Variants in TSNARE1 observed in about 807,000 individuals in gnomAD.
The protein encoded by TSNARE1 is t-SNARE domain-containing protein 1.
Under a neutral mutation model 62.0 loss-of-function variants are expected in TSNARE1, and 49 were observed. The observed-to-expected ratio is 0.79, with a 90% CI of 0.63 to 1.00. The LOEUF is 1.00. Ranked by LOEUF, TSNARE1 falls within the 50% of genes least tolerant of loss-of-function variation. TSNARE1 has a pLI of 0.00. For synonymous variants in TSNARE1, 328 were observed against 294.4 expected (o/e 1.11, Z -1.17); for missense variants, 755 against 700.1 (o/e 1.08, Z -0.88).
At chr8:142,227,339 C>A (rs563959860) in intron 13 of TSNARE1, among the ~76,000 whole-genome samples, 3 of 110,956 alleles carry the variant, frequency 2.7e-5, no homozygotes, top group African/African-American at 2.2e-4. Flanking sequence ...ATAGCCAGGA[C>A]CCCCATCCTG....
intron 6 of TSNARE1, among the ~76,000 whole-genome samples, chr8:142,330,593 C>T (rs1830869041): frequency 6.6e-6 from 1 of 152,242 alleles, no homozygotes; most frequent in African/African-American, 2.4e-5. Context: ...CAGGGAAAAG[C>T]GTGTGCCAGC....
intron 6 of TSNARE1, among the ~76,000 whole-genome samples, chr8:142,325,599 C>A (rs543156230): frequency 6.6e-6 from 1 of 152,104 alleles, no homozygotes; most frequent in Admixed American, 6.5e-5. Flanking sequence ...GAGGTCCCTT[C>A]CTTGGCCTGG....
chr8:142,329,336 C>T (rs904992856), intron 6 of TSNARE1, among the ~76,000 whole-genome samples: 3 of 152,220 alleles, frequency 2.0e-5, no homozygotes, highest in East Asian at 1.9e-4. Context: ...TCCTACTCCA[C>T]GCTGGGGTCC....
chr8:142,253,076 C>G (rs937530647), intron 12 of TSNARE1, among the ~76,000 whole-genome samples: 6 of 152,246 alleles, frequency 3.9e-5, no homozygotes, highest in African/African-American at 1.4e-4. Flanking sequence ...GATGTGCCCA[C>G]TCCCGGGTGC....
At chr8:142,392,127 G>A (rs1837574179) in intron 1 of TSNARE1, among the ~76,000 whole-genome samples, 2 of 152,146 alleles carry the variant, frequency 1.3e-5, no homozygotes, top group African/African-American at 4.8e-5. Flanking sequence ...AGGTTCAAGT[G>A]ATTATCCTGC....
chr8:142,306,502 C>A (rs572332234), intron 9 of TSNARE1, among the ~76,000 whole-genome samples: 6 of 152,310 alleles, frequency 3.9e-5, no homozygotes, highest in East Asian at 3.9e-4. Flanking sequence ...GACTGACCCT[C>A]GACCCAGCTG....
At chr8:142,405,725 G>C (rs568816045), upstream of TSNARE1, 36 of 126,308 alleles carry the variant, frequency 2.9e-4, no homozygotes, top group African/African-American at 1.1e-3. Flanking sequence ...CTGCTGCCTG[G>C]CTTCAATGTC....
intron 1 of TSNARE1, among the ~76,000 whole-genome samples, chr8:142,361,898 A>G (rs1835192625): frequency 2.6e-5 from 4 of 152,206 alleles, no homozygotes. Context: ...GCCCCACCAC[A>G]GGGAGAAACC....
chr8:142,298,686 TAATC>T (rs1264816713), intron 10 of TSNARE1, among the ~76,000 whole-genome samples: 2 of 152,170 alleles, frequency 1.3e-5, no homozygotes, highest in Non-Finnish European at 2.9e-5. Context: ...TCCTTGGACT[TAATC>T]AATAAGCAGC....
chr8:142,298,368 C>G (rs1825116806), intron 10 of TSNARE1, among the ~76,000 whole-genome samples: 1 of 152,210 alleles, frequency 6.6e-6, no homozygotes, highest in Non-Finnish European at 1.5e-5. Context: ...GACGGGGCAG[C>G]CAGCCCCAGC....
intron 10 of TSNARE1, among the ~76,000 whole-genome samples, chr8:142,296,621 G>A (rs1425857934): frequency 6.6e-6 from 1 of 152,028 alleles, no homozygotes. Context: ...CTTCTGTCAG[G>A]GCAGGGACCA....
At chr8:142,305,413 G>T (rs951296030) in intron 9 of TSNARE1, among the ~76,000 whole-genome samples, 8 of 152,270 alleles carry the variant, frequency 5.3e-5, no homozygotes, top group Admixed American at 5.2e-4. Flanking sequence ...GCTGGGGTGC[G>T]GGCTGTGTGG....
intron 12 of TSNARE1, among the ~76,000 whole-genome samples, chr8:142,258,477 CTTTTTTTTTTTTTT>C (rs56675860): frequency 1.9e-5 from 2 of 107,264 alleles, no homozygotes; most frequent in African/African-American, 7.9e-5. Flanking sequence ...AGAACTTGTG[CTTTTTTTTTTTTTT>C]TTTTTTTTGA....
At chr8:142,300,187 C>T (rs1254204749) in intron 10 of TSNARE1, 3 of 286,588 alleles carry the variant, frequency 1.0e-5, no homozygotes, top group Non-Finnish European at 1.9e-5. Flanking sequence ...AATGAAATGG[C>T]CATGGTGACT....
At chr8:142,400,308 T>A (rs1187745219) in intron 1 of TSNARE1, among the ~76,000 whole-genome samples, 1 of 151,904 alleles carries the variant, frequency 6.6e-6, no homozygotes, top group Non-Finnish European at 1.5e-5. Context: ...TAGCCAGGCG[T>A]GGTGGCAGGC....
intron 1 of TSNARE1, among the ~76,000 whole-genome samples, chr8:142,383,035 T>C (rs1309289210): frequency 6.6e-6 from 1 of 151,928 alleles, no homozygotes; most frequent in Non-Finnish European, 1.5e-5. Flanking sequence ...GTGGGGACCC[T>C]CTCTGGAGAA....
chr8:142,403,472 G>A (rs1403673048), upstream of TSNARE1, among the ~76,000 whole-genome samples: 4 of 152,076 alleles, frequency 2.6e-5, no homozygotes, highest in Admixed American at 6.5e-5. Flanking sequence ...GAGGCGCTTC[G>A]GGAGCGGGCT....
intron 12 of TSNARE1, among the ~76,000 whole-genome samples, chr8:142,242,970 A>AAAAG (rs58552964): frequency 1.1e-4 from 17 of 149,848 alleles, no homozygotes; most frequent in African/African-American, 4.3e-4. Flanking sequence ...AAAAAAAAAA[A>AAAAG]GCTAACAGAT....
rs536578293 is a variant in TSNARE1, at chr8:142,397,671, G to C, written c.-40+5433C>G. Among the ~76,000 whole-genome samples, 473 of 152,324 alleles carry C rather than the reference G, an allele frequency of 3.1e-3. 1 individual carries two copies. The highest frequency in any genetic ancestry group is 5.5e-3 in the Non-Finnish European group (377 of 68,018). On this transcript the variant is annotated intron_variant, in intron 1 of 13. Transcript: ENST00000524325. ...GGGCCAGAGGCTCCCAGGCCAGCGT[G>C]AGTGCCTGGCTCTGCTCACTGGCTT...
Sources: gnomAD v4.1 joint callset for allele counts (sites outside exome capture counted in the v4.1 genomes callset) on GRCh38, gnomAD v4.1.1 for gene constraint, MANE v1.5 for transcripts, NCBI Gene and HGNC (gene_info 2026-07-23, HGNC 2026-07-21) for gene names.